The following MAP2K1 variants were observed in gnomAD, a reference collection of about 807,000 sequenced individuals.
MAP2K1 encodes dual specificity mitogen-activated protein kinase kinase 1.
A neutral mutation model predicts 46.3 loss-of-function variants in MAP2K1; 16 were observed. That is an observed-to-expected ratio of 0.35 (90% CI 0.23 to 0.52). The LOEUF is 0.52. Ranked by LOEUF, MAP2K1 falls within the 20% of genes least tolerant of loss-of-function variation. MAP2K1 has a pLI of 0.94. For synonymous variants in MAP2K1, 183 were observed against 185.6 expected, an observed-to-expected ratio of 0.99 and a Z score of 0.11; for missense variants, 263 against 497.1, an observed-to-expected ratio of 0.53 and a Z score of 4.48.
rs1386149302 is a variant in MAP2K1 at position 66,464,455 on chromosome 15, C to T, written c.569-17300C>T. Among the ~76,000 whole-genome samples the T allele has an allele frequency of 2.0e-5, 3 of 152,060 alleles. No individual in the cohort carries two copies. In the East Asian group the frequency reaches 5.8e-4, roughly 29 times the overall value. ...TTCGGTTCACAGGGCTTTAAGAAAG[C>T]ACAGCTTAGTTTTCAGTAATTTCAA... is the stretch of plus-strand genomic sequence containing the variant. On this transcript the variant is annotated intron_variant, in intron 5 of 10. Transcript: ENST00000307102.
At chr15:66,399,736 A>G (rs1198336914) in intron 1 of MAP2K1, among the ~76,000 whole-genome samples, 1 of 152,112 alleles carries the variant, frequency 6.6e-6, no homozygotes, top group East Asian at 1.9e-4. Flanking sequence ...AGCTGGGACT[A>G]CAGGCATGTG....
chr15:66,421,475 G>A (rs1171425441), intron 1 of MAP2K1, among the ~76,000 whole-genome samples: 1 of 151,448 alleles, frequency 6.6e-6, no homozygotes, highest in Non-Finnish European at 1.5e-5. Flanking sequence ...CTAACTGCGA[G>A]TTAATGGTTT....
intron 1 of MAP2K1, among the ~76,000 whole-genome samples, chr15:66,420,036 G>T (rs1373804320): frequency 1.2e-4 from 18 of 152,036 alleles, no homozygotes; most frequent in Non-Finnish European, 1.2e-4. Flanking sequence ...CTGAGGTCAG[G>T]AGTTCGAGAC....
At chr15:66,389,230 T>C (rs140955583) in intron 1 of MAP2K1, among the ~76,000 whole-genome samples, 40 of 152,304 alleles carry the variant, frequency 2.6e-4, no homozygotes, top group Non-Finnish European at 4.7e-4. Context: ...TAGTATACAG[T>C]GTTTCACCCT....
In MAP2K1 at chr15:66,489,039, C is replaced by T; in HGVS notation, c.961-176C>T. The T allele has an allele frequency of 4.6e-6, 3 of 655,450 alleles. No individual in the cohort carries two copies. The South Asian group carries it at 5.1e-5, about 11-fold the overall frequency. 40.6% of individuals were successfully genotyped at this position (655,450 alleles called of 1,614,324 possible). A position where few individuals can be genotyped will look rare whatever the true frequency, so the allele number is the denominator to read the frequency against. ...GGTTCCAACATGGTTACCCAACAGGCAGCACTGGCCTTCTACCTGTGCCTT... is the reference window on the plus strand; with the variant it reads ...GGTTCCAACATGGTTACCCAACAGGTAGCACTGGCCTTCTACCTGTGCCTT... On this transcript the variant is annotated intron_variant, in intron 8 of 10. Transcript: ENST00000307102.
chr15:66,419,161 T>A (rs1056862237), intron 1 of MAP2K1, among the ~76,000 whole-genome samples: 5 of 151,614 alleles, frequency 3.3e-5, no homozygotes, highest in African/African-American at 7.3e-5. Flanking sequence ...TCTGTTTTTT[T>A]TTCCCCCCTC....
chr15:66,414,291 CA>C (rs2093419392), intron 1 of MAP2K1, among the ~76,000 whole-genome samples: 2 of 118,692 alleles, frequency 1.7e-5, no homozygotes, highest in Admixed American at 1.7e-4. Flanking sequence ...TGACCACACA[CA>C]CTTCTGTTGA....
At chr15:66,434,714 C>T (rs926817778) in intron 1 of MAP2K1, among the ~76,000 whole-genome samples, 1 of 152,138 alleles carries the variant, frequency 6.6e-6, no homozygotes, top group African/African-American at 2.4e-5. Flanking sequence ...ATTAAGGTGG[C>T]TCATTCTGGA....
chr15:66,454,067 G>C (rs900943398), intron 5 of MAP2K1, among the ~76,000 whole-genome samples: 5 of 152,158 alleles, frequency 3.3e-5, no homozygotes, highest in Admixed American at 6.5e-5. Context: ...TCTGTGGGTT[G>C]GCAGGTCCTC....
chr15:66,452,450 A>G (rs1314547943), intron 5 of MAP2K1, among the ~76,000 whole-genome samples: 1 of 152,138 alleles, frequency 6.6e-6, no homozygotes, highest in Non-Finnish European at 1.5e-5. Flanking sequence ...TTAGTCCTTA[A>G]TCTGTGGCTT....
At chr15:66,443,432 A>G in intron 4 of MAP2K1, 75 bp downstream of exon 4, 3 of 936,602 alleles carry the variant, frequency 3.2e-6, no homozygotes, top group Middle Eastern at 2.1e-4. Flanking sequence ...TGGACAAGAG[A>G]GGAAGATGGG....
At chr15:66,392,752 C>T (rs2093359649) in intron 1 of MAP2K1, among the ~76,000 whole-genome samples, 1 of 151,802 alleles carries the variant, frequency 6.6e-6, no homozygotes, top group Admixed American at 6.6e-5. Context: ...AGGGTTTCAC[C>T]ATGTTGGTCA....
chr15:66,442,992 C>T (rs2093508587), intron 3 of MAP2K1, among the ~76,000 whole-genome samples: 1 of 151,936 alleles, frequency 6.6e-6, no homozygotes, highest in Non-Finnish European at 1.5e-5. Flanking sequence ...TCCATGCCTT[C>T]CCTGGGCGCA....
intron 1 of MAP2K1, among the ~76,000 whole-genome samples, chr15:66,397,071 C>G (rs1042339376): frequency 3.9e-5 from 5 of 128,336 alleles, no homozygotes; most frequent in Non-Finnish European, 7.8e-5. Flanking sequence ...GTGGCACAAT[C>G]TCGGCTCACT....
chr15:66,391,300 G>C (rs1408081366), intron 1 of MAP2K1, among the ~76,000 whole-genome samples: 3 of 151,834 alleles, frequency 2.0e-5, no homozygotes, highest in Non-Finnish European at 2.9e-5. Flanking sequence ...CTGCCTTTTT[G>C]TTTTTTGAGA....
At chr15:66,399,795 C>T (rs1170641074) in intron 1 of MAP2K1, among the ~76,000 whole-genome samples, 2 of 152,082 alleles carry the variant, frequency 1.3e-5, no homozygotes, top group Non-Finnish European at 2.9e-5. Flanking sequence ...TGGGGTTTCA[C>T]CTTGTTGGCC....
In MAP2K1 at chr15:66,481,892, G is replaced by T; in HGVS notation, c.693+13G>T. On this transcript the variant is annotated intron_variant, in intron 6 of 10. Transcript: ENST00000307102. ...GTCCTACATGTCGGTATGAACAGAA[G>T]TTTCCATTGCTTGAGCTTCTTGTAC... is the stretch of plus-strand genomic sequence containing the variant. The T allele has an allele frequency of 1.9e-6, 3 of 1,613,014 alleles. No individual in the cohort carries two copies. The highest frequency in any genetic ancestry group is 2.5e-6 in the Non-Finnish European group (3 of 1,179,272).
At chr15:66,445,026 C>T (rs1476897329) in intron 5 of MAP2K1, 1 of 358,158 alleles carries the variant, frequency 2.8e-6, no homozygotes. Context: ...AGTGCATGTG[C>T]ATATGCCTAA....
chr15:66,388,300 C>A (rs988001804), intron 1 of MAP2K1, among the ~76,000 whole-genome samples: 1 of 152,076 alleles, frequency 6.6e-6, no homozygotes, highest in African/African-American at 2.4e-5. Context: ...AGGTAAGGGA[C>A]AAGACTATGT....
Sources: gnomAD v4.1 joint callset for allele counts (sites outside exome capture counted in the v4.1 genomes callset) on GRCh38, gnomAD v4.1.1 for gene constraint, MANE v1.5 for transcripts, NCBI Gene and HGNC (gene_info 2026-07-23, HGNC 2026-07-21) for gene names.